Variants in TTC23 observed in about 807,000 individuals in gnomAD.
The protein encoded by TTC23 is tetratricopeptide repeat domain 23, also known as tetratricopeptide repeat protein 23.
In TTC23, 58 loss-of-function variants were observed where a neutral mutation model predicts 55.1. The observed-to-expected ratio is 1.05, with a 90% CI of 0.85 to 1.31. The LOEUF is 1.31. Among genes scored for constraint, TTC23 ranks in the 50% most tolerant of loss-of-function variants. The pLI is 0.00. For synonymous variants in TTC23, 203 were observed against 199.9 expected (o/e 1.02, Z -0.13); for missense variants, 516 against 534.4 (o/e 0.97, Z 0.34).
At position 99,191,599 on chromosome 15, in the gene TTC23, T is replaced by G. The variant is rs540674204; in HGVS notation, c.759+8320A>C. On this transcript the variant is annotated intron_variant, in intron 9 of 13. Transcript: ENST00000394132. The stretch of plus-strand genomic sequence containing the variant: ...ATCCATGTAAGACATGACTTGCTCC[T>G]CCTTGCCTTCTACCATGATTGTGAG... Among the ~76,000 whole-genome samples the G allele has an allele frequency of 1.2e-3, 184 of 152,340 alleles. 1 individual carries two copies. The highest frequency in any genetic ancestry group is 4.7e-3 in the Admixed American group (72 of 15,302).
intron 4 of TTC23, among the ~76,000 whole-genome samples, chr15:99,228,989 T>C (rs1027228195): frequency 1.3e-5 from 2 of 152,086 alleles, no homozygotes; most frequent in Admixed American, 6.6e-5. Flanking sequence ...TAAACACACA[T>C]ACATACATGT....
chr15:99,145,668 A>C (rs1567318021), intron 12 of TTC23, among the ~76,000 whole-genome samples: 1 of 151,954 alleles, frequency 6.6e-6, no homozygotes, highest in African/African-American at 2.4e-5. Context: ...CTCTCAGTCT[A>C]TGTCTCTCTC....
chr15:99,179,476 C>A (rs936539289), intron 9 of TTC23, among the ~76,000 whole-genome samples: 3 of 152,206 alleles, frequency 2.0e-5, no homozygotes, highest in Admixed American at 1.3e-4. Flanking sequence ...AAATGGGGAA[C>A]CACCTAAATA....
intron 3 of TTC23, among the ~76,000 whole-genome samples, chr15:99,236,819 C>T (rs2079358248): frequency 6.6e-6 from 1 of 152,084 alleles, no homozygotes; most frequent in Admixed American, 6.5e-5. Context: ...CATGGATTAC[C>T]TTTTGTTGAT....
chr15:99,158,489 G>A (rs1350891706), intron 11 of TTC23: 1 of 152,306 alleles, frequency 6.6e-6, no homozygotes, highest in Non-Finnish European at 1.5e-5. Context: ...GCTTAAGAGA[G>A]AGGAGTGAAG....
At chr15:99,250,249 T>C (rs1306460053), upstream of TTC23, among the ~76,000 whole-genome samples, 1 of 152,210 alleles carries the variant, frequency 6.6e-6, no homozygotes, top group Non-Finnish European at 1.5e-5. Context: ...ATACATGACA[T>C]ATACCAACCA....
At chr15:99,213,325 T>C (rs2077192676) in intron 8 of TTC23, among the ~76,000 whole-genome samples, 1 of 152,244 alleles carries the variant, frequency 6.6e-6, no homozygotes, top group Non-Finnish European at 1.5e-5. Flanking sequence ...CTTTGTAGAA[T>C]AGTCTGGAAT....
intron 8 of TTC23, among the ~76,000 whole-genome samples, chr15:99,204,964 C>T (rs1376141126): frequency 5.9e-5 from 9 of 152,014 alleles, no homozygotes; most frequent in Non-Finnish European, 8.8e-5. Flanking sequence ...AATTTTAATT[C>T]GATTTTTGCA....
intron 9 of TTC23, among the ~76,000 whole-genome samples, chr15:99,192,347 A>G (rs2075313467): frequency 6.6e-6 from 1 of 152,114 alleles, no homozygotes; most frequent in Admixed American, 6.5e-5. Context: ...ACAGGCCTGG[A>G]GGCTTAGGAG....
intron 6 of TTC23, among the ~76,000 whole-genome samples, chr15:99,219,831 T>G (rs189357406): frequency 6.6e-6 from 1 of 152,192 alleles, no homozygotes; most frequent in Non-Finnish European, 1.5e-5. Context: ...ATGTTCTTAG[T>G]TACACAAAAT....
rs368046153 is a variant in TTC23 at position 99,157,672 on chromosome 15, G to C, written c.994-1375C>G. ...CTCATAGGAAATCGTTTAGGAAACT[G>C]AAAGTAAACATTCCAACATGACATG... On this transcript the variant is annotated intron_variant, in intron 11 of 13. Transcript: ENST00000394132. 15 of 152,302 alleles carry C rather than the reference G, an allele frequency of 9.8e-5. 1 individual carries two copies. In the East Asian group the frequency reaches 2.1e-3, roughly 22 times the overall value. The allele number at this position is 152,302 out of a possible 1,614,324, so 9.4% of individuals were successfully genotyped here. A position where few individuals can be genotyped will look rare whatever the true frequency, so the allele number is the denominator to read the frequency against.
At chr15:99,211,173 G>A in intron 8 of TTC23, among the ~76,000 whole-genome samples, 1 of 152,146 alleles carries the variant, frequency 6.6e-6, no homozygotes, top group East Asian at 1.9e-4. Flanking sequence ...TCAGGAGTTT[G>A]AGACCAGCCT....
chr15:99,213,265 A>G (rs1476090127), intron 8 of TTC23, among the ~76,000 whole-genome samples: 1 of 152,238 alleles, frequency 6.6e-6, no homozygotes, highest in Non-Finnish European at 1.5e-5. Context: ...AAGAATTAGG[A>G]TGAAAAGAAG....
At chr15:99,193,319 C>T (rs1466771449) in intron 9 of TTC23, among the ~76,000 whole-genome samples, 1 of 152,190 alleles carries the variant, frequency 6.6e-6, no homozygotes, top group Admixed American at 6.5e-5. Flanking sequence ...ACCCAAATCT[C>T]ATCTTGTAGT....
Position 99,156,214 on chromosome 15 carries a change from G to T in TTC23, c.1077C>A (p.Tyr359Ter). The T allele has an allele frequency of 1.2e-6, 2 of 1,614,212 alleles. No homozygotes were observed. Among genetic ancestry groups the T allele is most frequent in the Non-Finnish European group, 1.7e-6 (2 of 1,180,028 alleles). The change falls in exon 12 of 14, where the codon TAC (tyrosine) becomes TAA (stop). Residue 359 changes from tyrosine (Y) to a stop codon, truncating the protein, a stop_gained. Transcript: ENST00000394132. LOFTEE classifies it high-confidence loss of function. ...CCAGGTCTGCTCCTCCCAGGAGCCGGTATGTCTCTGCCACCTCGGGACTGA... is the reference window on the plus strand; with the variant it reads ...CCAGGTCTGCTCCTCCCAGGAGCCGTTATGTCTCTGCCACCTCGGGACTGA... The part of the protein sequence containing the change: ...GDFSPEVAET[Y>*]RLLGGADLAQ...
chr15:99,155,958 A>AT (rs530165274), intron 12 of TTC23, 190 bp downstream of exon 12: 20 of 635,678 alleles, frequency 3.1e-5, no homozygotes, highest in Non-Finnish European at 5.3e-5. Context: ...AAAAATATGT[A>AT]TGTCTAAGAG....
At chr15:99,161,967 G>GAA (rs2071435650) in intron 10 of TTC23, 100 bp from the exon 11 acceptor site, 1 of 1,309,422 alleles carries the variant, frequency 7.6e-7, no homozygotes, top group African/African-American at 1.5e-5. Flanking sequence ...TTTGGAAAGA[G>GAA]GTATTGGGAC....
At chr15:99,217,221 G>A (rs555196599) in intron 8 of TTC23, among the ~76,000 whole-genome samples, 1 of 151,790 alleles carries the variant, frequency 6.6e-6, no homozygotes, top group Non-Finnish European at 1.5e-5. Flanking sequence ...CAGTGGTGTG[G>A]TCTCTACTCA....
intron 10 of TTC23, among the ~76,000 whole-genome samples, chr15:99,168,812 C>T (rs1352985919): frequency 6.6e-6 from 1 of 152,182 alleles, no homozygotes; most frequent in Non-Finnish European, 1.5e-5. Context: ...ACCCCTGCAG[C>T]CCCTACCTGC....
Sources: allele counts gnomAD v4.1 joint callset (sites outside exome capture counted in the v4.1 genomes callset), GRCh38; gene constraint gnomAD v4.1.1; transcripts MANE v1.5; gene names NCBI Gene and HGNC (gene_info 2026-07-23, HGNC 2026-07-21).